The following NAPEPLD variants were observed in gnomAD, a reference collection of about 807,000 sequenced individuals.
NAPEPLD encodes the protein N-acyl-phosphatidylethanolamine-hydrolyzing phospholipase D.
NAPEPLD carries 23 observed loss-of-function variants against 38.1 expected under a neutral mutation model. The observed-to-expected ratio is 0.60, with a 90% CI of 0.43 to 0.86. The LOEUF is 0.86. Ranked by LOEUF, NAPEPLD falls within the 40% of genes least tolerant of loss-of-function variation. The pLI is 0.00. For synonymous variants in NAPEPLD, 147 were observed against 162.0 expected, an observed-to-expected ratio of 0.91 and a Z score of 0.71; for missense variants, 411 against 476.8, an observed-to-expected ratio of 0.86 and a Z score of 1.28.
chr7:103,117,843 T>A (rs1159785671), intron 3 of NAPEPLD, among the ~76,000 whole-genome samples: 1 of 152,250 alleles, frequency 6.6e-6, no homozygotes, highest in African/African-American at 2.4e-5. Context: ...TTACTACATA[T>A]GAAAACTTAT....
chr7:103,149,355 C>T, upstream of NAPEPLD: 1 of 1,157,514 alleles, frequency 8.6e-7, no homozygotes, highest in South Asian at 1.6e-5. Context: ...GCGCAAAGCG[C>T]CGCCGCGTAG....
chr7:103,143,712 T>G (rs1811958908), intron 1 of NAPEPLD, among the ~76,000 whole-genome samples: 1 of 152,254 alleles, frequency 6.6e-6, no homozygotes, highest in Non-Finnish European at 1.5e-5. Context: ...AACTTTGGAC[T>G]TCTTTCATGT....
intron 1 of NAPEPLD, 141 bp from the exon 2 acceptor site, chr7:103,128,933 C>A: frequency 2.2e-6 from 2 of 916,542 alleles, no homozygotes; most frequent in South Asian, 3.7e-5. Flanking sequence ...TTTCTTCCTG[C>A]AAGGCACAAT....
chr7:103,136,054 G>A (rs1470653710), intron 1 of NAPEPLD, among the ~76,000 whole-genome samples: 1 of 152,012 alleles, frequency 6.6e-6, no homozygotes, highest in Non-Finnish European at 1.5e-5. Context: ...GGGAGGCCAA[G>A]GACAGGAATT....
rs947856812 is a variant in NAPEPLD at position 103,148,795 on chromosome 7, A to C, written c.-17+16T>G. 2 of 985,288 alleles carry C rather than the reference A, an allele frequency of 2.0e-6. No individual in the cohort carries two copies. Among genetic ancestry groups the C allele is most frequent in the South Asian group, 9.4e-5 (2 of 21,276 alleles). 61.0% of individuals were successfully genotyped at this position (985,288 alleles called of 1,614,324 possible). A position where few individuals can be genotyped will look rare whatever the true frequency, so the allele number is the denominator to read the frequency against. On this transcript the variant is annotated intron_variant, in intron 1 of 4. Transcript: ENST00000465647. ...GACCCATTCATTTACATACAACCAA[A>C]AGAAGATAAACCCACATGTATTCCT...
rs371003614 is a variant in NAPEPLD, at chr7:103,119,673, G to A, written c.845C>T (p.Ala282Val). Residue 282 changes from alanine (A) to valine (V), a missense_variant, in exon 3 of 5, where the codon GCA (alanine) becomes GTA (valine). Physicochemically the swap from Ala to Val is moderately conservative, Grantham distance 64. Coordinates refer to ENST00000465647, the MANE Select transcript of NAPEPLD (RefSeq NM_001122838.3). The stretch of plus-strand genomic sequence containing the variant: ...AGCAGGGCAATAACCAGTATCTCCT[G>A]CGAAAAAAAATCGATTCCAAGGCCC... ...VLGPWNRFFFAGDTGYCPAFE... is the reference protein window; with the variant it reads ...VLGPWNRFFFVGDTGYCPAFE... 1.2e-5 allele frequency: 19 copies of A among 1,613,906 alleles called. No individual in the cohort carries two copies. The highest frequency in any genetic ancestry group is 1.5e-5 in the Non-Finnish European group (18 of 1,180,010).
chr7:103,121,364 T>C (rs917055318), intron 2 of NAPEPLD, among the ~76,000 whole-genome samples: 3 of 152,204 alleles, frequency 2.0e-5, no homozygotes, highest in Non-Finnish European at 4.4e-5. Context: ...CCATGCTATA[T>C]AGCTGCATGG....
upstream of NAPEPLD, chr7:103,149,442 G>A (rs1199876172): frequency 3.2e-6 from 4 of 1,253,012 alleles, no homozygotes; most frequent in Admixed American, 5.2e-5. Flanking sequence ...GAGGACGCCA[G>A]CAGCTGCAGG....
Position 103,101,012 on chromosome 7 carries a change from C to T in NAPEPLD, c.*2417G>A, listed in dbSNP as rs1802316887. On this transcript the variant is annotated 3_prime_UTR_variant, in exon 5 of 5. Transcript: ENST00000465647. ...TTGAGACCCTCAGTTAAACAGTACA[C>T]GTGAATACAAAATAATGTTAAGGCC... 3 of 152,116 alleles carry T rather than the reference C, an allele frequency of 2.0e-5. No individual in the cohort carries two copies. Among genetic ancestry groups the T allele is most frequent in the South Asian group, 4.1e-4 (2 of 4,830 alleles). 9.4% of individuals were successfully genotyped at this position (152,116 alleles called of 1,614,324 possible).
Position 103,120,983 on chromosome 7 carries a change from A to AT in NAPEPLD, c.295-761dup, listed in dbSNP as rs573976858. On this transcript the variant is annotated intron_variant, in intron 2 of 4. Coordinates refer to ENST00000465647, the MANE Select transcript of NAPEPLD (RefSeq NM_001122838.3). ...TGTCTTGCCCTCCCAAAGTGCTGGT[A>AT]TTATAGGCGTGAGCCACTGTGCCTG... 9.2e-5 allele frequency among the ~76,000 whole-genome samples: 14 copies of AT among 152,214 alleles called. No individual in the cohort carries two copies. The South Asian group carries it at 2.9e-3, about 32-fold the overall frequency.
At chr7:103,141,671 G>A in intron 1 of NAPEPLD, 1 of 903,160 alleles carries the variant, frequency 1.1e-6, no homozygotes. Flanking sequence ...GACCTTCTCT[G>A]GCATTCGGGC....
chr7:103,123,068 C>T (rs1234971989), intron 2 of NAPEPLD, among the ~76,000 whole-genome samples: 1 of 152,190 alleles, frequency 6.6e-6, no homozygotes, highest in African/African-American at 2.4e-5. Context: ...CTTCCTACTC[C>T]TAGACTGAGC....
upstream of NAPEPLD, chr7:103,149,393 G>C (rs1480969284): frequency 1.7e-6 from 2 of 1,177,514 alleles, no homozygotes; most frequent in Admixed American, 4.2e-5. Flanking sequence ...GCAGGCGCTC[G>C]GGTTCTTCCT....
intron 2 of NAPEPLD, among the ~76,000 whole-genome samples, chr7:103,126,536 C>T (rs1807827270): frequency 6.6e-6 from 1 of 152,144 alleles, no homozygotes; most frequent in South Asian, 2.1e-4. Flanking sequence ...AAGGCACCAT[C>T]AAAAGCCACA....
chr7:103,118,414 C>T lies in NAPEPLD; in HGVS notation c.941+1163G>A, dbSNP rs185785969. ...AAAAAAGGGTAAAAATATCTAGCCC[C>T]TCCAAATAAGGAAACTAGCAAAAAA... On this transcript the variant is annotated intron_variant, in intron 3 of 4. Transcript: ENST00000465647. Among the ~76,000 whole-genome samples, 252 of 152,112 alleles carry T rather than the reference C, an allele frequency of 1.7e-3. 3 individuals are homozygous for T. Among genetic ancestry groups the T allele is most frequent in the Admixed American group, 7.0e-3 (107 of 15,284 alleles).
intron 4 of NAPEPLD, among the ~76,000 whole-genome samples, chr7:103,113,616 C>T (rs1425063638): frequency 7.5e-6 from 1 of 133,986 alleles, no homozygotes; most frequent in East Asian, 2.3e-4. Flanking sequence ...TTTTTTAAGA[C>T]AGAGTCTCAC....
chr7:103,104,381 G>C (rs951701651), intron 4 of NAPEPLD, among the ~76,000 whole-genome samples: 22 of 152,286 alleles, frequency 1.4e-4, no homozygotes, highest in Non-Finnish European at 1.5e-4. Flanking sequence ...GAAGAGAAGA[G>C]GTCCGTGGAC....
chr7:103,120,728 G>A (rs537986818), intron 2 of NAPEPLD, among the ~76,000 whole-genome samples: 67 of 32,560 alleles, frequency 2.1e-3, no homozygotes, highest in Admixed American at 3.1e-3. Context: ...TTTTTTTTTT[G>A]TCTGAGACAG....
Position 103,142,008 on chromosome 7 carries a change from T to G in NAPEPLD, c.-17+6803A>C, listed in dbSNP as rs926320370. The G allele has an allele frequency of 3.3e-5, 21 of 638,816 alleles. No individual in the cohort carries two copies. In the African/African-American group the frequency reaches 3.6e-4, roughly 11 times the overall value. The allele number at this position is 638,816 out of a possible 1,614,324, so 39.6% of individuals were successfully genotyped here. On this transcript the variant is annotated intron_variant, in intron 1 of 4. Coordinates refer to ENST00000465647, the MANE Select transcript of NAPEPLD (RefSeq NM_001122838.3). ...CTTTTTAAACTACACCAGAGGCTAC[T>G]GAATCAAAATGTCAGGTGGGGCAGT...
Sources: gnomAD v4.1 joint callset for allele counts (sites outside exome capture counted in the v4.1 genomes callset) on GRCh38, gnomAD v4.1.1 for gene constraint, MANE v1.5 for transcripts, NCBI Gene and HGNC (gene_info 2026-07-23, HGNC 2026-07-21) for gene names.